The following MAPKAPK3 variants were observed in gnomAD, a reference collection of about 807,000 sequenced individuals.
MAPKAPK3 encodes MAP kinase-activated protein kinase 3.
A neutral mutation model predicts 49.2 loss-of-function variants in MAPKAPK3; 35 were observed. The observed-to-expected ratio is 0.71, with a 90% CI of 0.54 to 0.94. MAPKAPK3 has a LOEUF of 0.94. MAPKAPK3 is among the 40% of genes least tolerant of loss of function. MAPKAPK3 has a pLI of 0.00. For missense variants in MAPKAPK3, 398 were observed against 493.1 expected, an observed-to-expected ratio of 0.81 and a Z score of 1.83; for synonymous variants, 178 against 188.7, an observed-to-expected ratio of 0.94 and a Z score of 0.46.
At chr3:50,623,129 G>C (rs2032649709) in intron 2 of MAPKAPK3, among the ~76,000 whole-genome samples, 1 of 152,142 alleles carries the variant, frequency 6.6e-6, no homozygotes, top group South Asian at 2.1e-4. Context: ...GCCTCTGCAG[G>C]GCCACTTGTT....
chr3:50,628,294 T>G (rs933048183), intron 2 of MAPKAPK3, among the ~76,000 whole-genome samples: 8 of 152,136 alleles, frequency 5.3e-5, no homozygotes, highest in Non-Finnish European at 1.2e-4. Flanking sequence ...GGCCCTTTGT[T>G]ACCCTGTGTC....
chr3:50,646,889 G>T, intron 9 of MAPKAPK3, 64 bp downstream of exon 9: 1 of 1,534,422 alleles, frequency 6.5e-7, no homozygotes, highest in South Asian at 1.1e-5. Context: ...CCGGGCAGGA[G>T]GGTGGTGGCT....
upstream of MAPKAPK3, among the ~76,000 whole-genome samples, chr3:50,616,561 G>A (rs1247965364): frequency 6.6e-6 from 1 of 152,192 alleles, no homozygotes. Context: ...TGGTCCCCAG[G>A]ATGCTGTATA....
chr3:50,617,166 A>C lies in MAPKAPK3; in HGVS notation c.-128A>C. On this transcript the variant is annotated 5_prime_UTR_variant, in exon 1 of 11. Coordinates refer to ENST00000621469, the MANE Select transcript of MAPKAPK3 (RefSeq NM_001243925.2). ...CGGCAGCGCGACTCTCGGCCCTGGG[A>C]TTTCTGCGGCCGCCAGCTCCCGCGA... 1.3e-5 allele frequency: 2 copies of C among 150,106 alleles called. No homozygotes were observed. The highest frequency in any genetic ancestry group is 1.4e-5 in the Non-Finnish European group (1 of 69,950). 9.3% of individuals were successfully genotyped at this position (150,106 alleles called of 1,614,324 possible).
chr3:50,635,476 G>T (rs538234899), intron 2 of MAPKAPK3, among the ~76,000 whole-genome samples: 13 of 130,970 alleles, frequency 9.9e-5, no homozygotes, highest in Non-Finnish European at 1.9e-4. Context: ...GTAGTGCAGT[G>T]GCACGATCTC....
In MAPKAPK3 at chr3:50,641,409, G is replaced by A. The variant is rs139875079; in HGVS notation, c.360-298G>A. Among the ~76,000 whole-genome samples, 122 of 152,306 alleles carry A rather than the reference G, an allele frequency of 8.0e-4. No homozygotes were observed. The Middle Eastern group carries it at 0.014, about 17-fold the overall frequency. On this transcript the variant is annotated intron_variant, in intron 3 of 10. Transcript: ENST00000621469. ...GGGAAACAGAGACTTGAATGGGGTT[G>A]GGAGTACCCAAGCCCTCACAGTCAG...
At chr3:50,625,295 G>T (rs946824957) in intron 2 of MAPKAPK3, among the ~76,000 whole-genome samples, 1 of 152,100 alleles carries the variant, frequency 6.6e-6, no homozygotes, top group Non-Finnish European at 1.5e-5. Context: ...AACATTATTG[G>T]TTTTTATGAG....
At chr3:50,635,706 C>T (rs1021336162) in intron 2 of MAPKAPK3, among the ~76,000 whole-genome samples, 4 of 151,648 alleles carry the variant, frequency 2.6e-5, no homozygotes, top group African/African-American at 7.3e-5. Context: ...TCAGCCACCA[C>T]GCCTGGCCAA....
chr3:50,617,234 G>T lies in MAPKAPK3; in HGVS notation c.-60G>T. 1 of 227,096 alleles carries T rather than the reference G, an allele frequency of 4.4e-6. No homozygotes were observed. The highest frequency in any genetic ancestry group is 8.6e-6 in the Non-Finnish European group (1 of 116,144). 14.1% of individuals were successfully genotyped at this position (227,096 alleles called of 1,614,324 possible). A position where few individuals can be genotyped will look rare whatever the true frequency, so the allele number is the denominator to read the frequency against. ...CGCCGGTACCTCAGCAAGGTGCGTTGCCGCCAGGTACGCCCTCGCTGGGCC... is the reference window on the plus strand; with the variant it reads ...CGCCGGTACCTCAGCAAGGTGCGTTTCCGCCAGGTACGCCCTCGCTGGGCC... On this transcript the variant is annotated 5_prime_UTR_variant, in exon 1 of 11. Transcript: ENST00000621469.
chr3:50,629,260 G>T (rs1057096720), intron 2 of MAPKAPK3, among the ~76,000 whole-genome samples: 3 of 152,122 alleles, frequency 2.0e-5, no homozygotes, highest in Non-Finnish European at 4.4e-5. Flanking sequence ...CTGCTGAATT[G>T]GAGAGGTTCT....
intron 2 of MAPKAPK3, among the ~76,000 whole-genome samples, chr3:50,626,976 T>C (rs985549363): frequency 6.6e-6 from 1 of 152,064 alleles, no homozygotes; most frequent in Non-Finnish European, 1.5e-5. Flanking sequence ...GTGGATCACC[T>C]GAAGTCAGGA....
intron 3 of MAPKAPK3, among the ~76,000 whole-genome samples, 199 bp from the exon 4 acceptor site, chr3:50,641,508 A>G (rs1559489260): frequency 6.6e-6 from 1 of 152,188 alleles, no homozygotes; most frequent in African/African-American, 2.4e-5. Context: ...TCTAGTTCCA[A>G]GAGTTCAGTT....
chr3:50,646,906 T>C (rs2033313320), intron 9 of MAPKAPK3, 81 bp downstream of exon 9: 1 of 1,413,544 alleles, frequency 7.1e-7, no homozygotes, highest in South Asian at 1.2e-5. Context: ...GGCTCTGCTT[T>C]GAGGCCCCAG....
intron 2 of MAPKAPK3, among the ~76,000 whole-genome samples, chr3:50,619,644 G>A (rs1335793634): frequency 6.6e-6 from 1 of 152,144 alleles, no homozygotes; most frequent in Non-Finnish European, 1.5e-5. Flanking sequence ...TAATACCAAG[G>A]CTTTGACCCT....
chr3:50,648,413 C>T lies in MAPKAPK3; in HGVS notation c.*367C>T, dbSNP rs1214781783. ...CTTCCCATCTTCCACAGAGACATCT[C>T]CCTGTGGGATGGGCAGATGGGCCTG... On this transcript the variant is annotated 3_prime_UTR_variant, in exon 11 of 11. Transcript: ENST00000621469. The T allele has an allele frequency of 3.3e-5, 6 of 179,356 alleles. No individual in the cohort carries two copies. Among genetic ancestry groups the T allele is most frequent in the Non-Finnish European group, 7.1e-5 (6 of 84,926 alleles). The allele number at this position is 179,356 out of a possible 1,614,324, so 11.1% of individuals were successfully genotyped here.
intron 2 of MAPKAPK3, among the ~76,000 whole-genome samples, chr3:50,634,739 C>T (rs1449087135): frequency 1.3e-5 from 2 of 152,186 alleles, no homozygotes; most frequent in African/African-American, 4.8e-5. Flanking sequence ...GATCCTCCCG[C>T]CTCGGTCTCC....
At chr3:50,622,825 G>A (rs534342251) in intron 2 of MAPKAPK3, among the ~76,000 whole-genome samples, 1 of 152,232 alleles carries the variant, frequency 6.6e-6, no homozygotes, top group Non-Finnish European at 1.5e-5. Context: ...CCTGCCTGCT[G>A]TCCAGGCTGC....
At chr3:50,645,078 C>T (rs1283821696) in intron 6 of MAPKAPK3, among the ~76,000 whole-genome samples, 1 of 152,162 alleles carries the variant, frequency 6.6e-6, no homozygotes. Flanking sequence ...TGCCCCCTAA[C>T]CTGAGAGTGG....
chr3:50,613,397 T>C (rs192431598), upstream of MAPKAPK3, among the ~76,000 whole-genome samples: 337 of 152,336 alleles, frequency 2.2e-3, 1 homozygote, highest in African/African-American at 7.9e-3. Flanking sequence ...CCGGGCTTCA[T>C]GAGTGCAACT....
Sources: gnomAD v4.1 joint callset for allele counts (sites outside exome capture counted in the v4.1 genomes callset) on GRCh38, gnomAD v4.1.1 for gene constraint, MANE v1.5 for transcripts, NCBI Gene and HGNC (gene_info 2026-07-23, HGNC 2026-07-21) for gene names.